ANO4: variants seen among roughly 807,000 people sequenced by gnomAD.
ANO4 encodes the protein anoctamin-4.
A neutral mutation model predicts 141.9 loss-of-function variants in ANO4; 69 were observed. That is an observed-to-expected ratio of 0.49 (90% CI 0.40 to 0.59). The LOEUF is 0.59. ANO4 is among the 20% of genes least tolerant of loss of function. The pLI is 0.00. For synonymous variants in ANO4, 350 were observed against 394.3 expected (o/e 0.89, Z 1.33); for missense variants, 894 against 1,162.2 (o/e 0.77, Z 3.36).
intron 1 of ANO4, among the ~76,000 whole-genome samples, chr12:100,800,679 C>G (rs2034628221): frequency 6.6e-6 from 1 of 152,224 alleles, no homozygotes; most frequent in South Asian, 2.1e-4. Flanking sequence ...TTTGATAAAA[C>G]TTACCTGTTT....
chr12:101,043,564 A>G lies in ANO4; in HGVS notation c.1180A>G (p.Ile394Val). The G allele has an allele frequency of 1.2e-6, 2 of 1,613,754 alleles. No individual in the cohort carries two copies. Among genetic ancestry groups the G allele is most frequent in the Non-Finnish European group, 8.5e-7 (1 of 1,179,742 alleles). Residue 394 changes from isoleucine to valine, a missense_variant, in exon 13 of 28, where the codon ATC becomes GTC. Physicochemically the swap from Ile to Val is conservative, Grantham distance 29 (BLOSUM62 3). Around this residue, in one of 2 missense-constraint regions of ANO4, gnomAD observed 637 missense variants for 909.2 expected, o/e 0.70. Transcript: ENST00000392977. ...TAAAGAAGTCTGCCAAGCTACAGATATCATCATGTGTCCTGTGTGTGATAA... is the reference window on the plus strand; with the variant it reads ...TAAAGAAGTCTGCCAAGCTACAGATGTCATCATGTGTCCTGTGTGTGATAA... Reference protein sequence around the residue: ...VSKEVCQATDIIMCPVCDKYC... With the variant: ...VSKEVCQATDVIMCPVCDKYC...
chr12:101,001,749 G>A (rs1425724173), intron 8 of ANO4, among the ~76,000 whole-genome samples: 4 of 152,146 alleles, frequency 2.6e-5, no homozygotes, highest in Admixed American at 2.6e-4. Flanking sequence ...GAGCAGCTGG[G>A]GGAGGGTCAT....
intron 1 of ANO4, among the ~76,000 whole-genome samples, chr12:100,874,543 A>G (rs1487832132): frequency 6.6e-6 from 1 of 152,132 alleles, no homozygotes; most frequent in East Asian, 1.9e-4. Context: ...TTTTTGAGAC[A>G]GAGTCTCACT....
intron 18 of ANO4, among the ~76,000 whole-genome samples, chr12:101,096,181 A>G (rs1421399704): frequency 6.7e-6 from 1 of 149,276 alleles, no homozygotes; most frequent in Non-Finnish European, 1.5e-5. Flanking sequence ...ATAGATTAAG[A>G]GGAAAAGAAA....
chr12:100,935,792 G>C (rs972035900), intron 3 of ANO4, among the ~76,000 whole-genome samples: 1 of 152,174 alleles, frequency 6.6e-6, no homozygotes, highest in Non-Finnish European at 1.5e-5. Context: ...TTTAAAAATT[G>C]GTTAGTGTTG....
chr12:101,003,894 C>T (rs1207748210), intron 8 of ANO4, among the ~76,000 whole-genome samples: 1 of 152,040 alleles, frequency 6.6e-6, no homozygotes, highest in African/African-American at 2.4e-5. Flanking sequence ...GAAGAGAGAT[C>T]TCTGTAGGGT....
chr12:100,839,810 G>A (rs961183229), intron 1 of ANO4, among the ~76,000 whole-genome samples: 8 of 152,036 alleles, frequency 5.3e-5, no homozygotes, highest in Non-Finnish European at 2.9e-5. Flanking sequence ...GGGCTTCACT[G>A]TCTGCAAAAA....
At chr12:101,047,877 C>G (rs2047694324) in intron 13 of ANO4, 1 of 363,062 alleles carries the variant, frequency 2.8e-6, no homozygotes, top group African/African-American at 2.2e-5. Context: ...AGAGGGCAGC[C>G]CAGAAAATGT....
At chr12:101,064,920 C>T (rs952642753) in intron 14 of ANO4, among the ~76,000 whole-genome samples, 1 of 152,146 alleles carries the variant, frequency 6.6e-6, no homozygotes, top group Non-Finnish European at 1.5e-5. Context: ...ACACCGTTCA[C>T]ACTACCTGCC....
intron 3 of ANO4, among the ~76,000 whole-genome samples, chr12:100,788,747 T>C (rs941043978): frequency 6.6e-6 from 1 of 152,064 alleles, no homozygotes; most frequent in Non-Finnish European, 1.5e-5. Context: ...CCCTGAGGGC[T>C]CAGTGAGGAG....
At chr12:101,094,668 A>G (rs896745966) in intron 18 of ANO4, among the ~76,000 whole-genome samples, 6 of 152,114 alleles carry the variant, frequency 3.9e-5, no homozygotes, top group African/African-American at 1.4e-4. Context: ...ATGGTATATA[A>G]ACTCACAGCA....
At chr12:101,004,155 A>C (rs2045773344) in intron 8 of ANO4, among the ~76,000 whole-genome samples, 1 of 150,878 alleles carries the variant, frequency 6.6e-6, no homozygotes, top group Non-Finnish European at 1.5e-5. Context: ...ACTGTGGGGG[A>C]AGTGAAGAAC....
rs543589158 is a variant in ANO4 at position 100,830,719 on chromosome 12, A to T, written c.-141+35692A>T. ...TTTCATACCAGATACTTCTCCTGCCATCATTGTGATCCAGCTGCTGAGATA... is the reference window on the plus strand; with the variant it reads ...TTTCATACCAGATACTTCTCCTGCCTTCATTGTGATCCAGCTGCTGAGATA... On this transcript the variant is annotated intron_variant, in intron 1 of 27. Coordinates refer to ENST00000392977, the MANE Select transcript of ANO4 (RefSeq NM_001286615.2). 5.3e-5 allele frequency among the ~76,000 whole-genome samples: 8 copies of T among 152,182 alleles called. No homozygotes were observed. The South Asian group carries it at 1.2e-3, about 24-fold the overall frequency.
At chr12:101,042,278 A>G (rs145686776) in intron 11 of ANO4, 56 bp from the exon 12 acceptor site, 2 of 1,597,434 alleles carry the variant, frequency 1.3e-6, no homozygotes, top group Non-Finnish European at 1.7e-6. Flanking sequence ...GAAGTTTCAT[A>G]ATGCTTAACT....
At chr12:101,065,894 A>G (rs2048563534) in intron 14 of ANO4, among the ~76,000 whole-genome samples, 1 of 152,242 alleles carries the variant, frequency 6.6e-6, no homozygotes, top group Admixed American at 6.5e-5. Flanking sequence ...TCAACAATAC[A>G]TGAAAAAGAT....
intron 3 of ANO4, 53 bp downstream of exon 3, chr12:100,922,383 A>T: frequency 7.9e-7 from 1 of 1,272,454 alleles, no homozygotes; most frequent in South Asian, 1.5e-5. Flanking sequence ...CTATTATAAT[A>T]CTTGGGAGGG....
intron 5 of ANO4, among the ~76,000 whole-genome samples, chr12:100,970,311 C>T (rs560571550): frequency 1.3e-5 from 2 of 152,184 alleles, no homozygotes; most frequent in South Asian, 2.1e-4. Context: ...GAATAAAGTG[C>T]GCTGCACGTC....
chr12:100,736,163 G>A (rs947974777), intron 2 of ANO4, among the ~76,000 whole-genome samples: 8 of 152,150 alleles, frequency 5.3e-5, no homozygotes, highest in Non-Finnish European at 1.2e-4. Flanking sequence ...GAGCCACGTT[G>A]CAGAGCTCTG....
chr12:101,032,295 G>A (rs151079817), intron 9 of ANO4, among the ~76,000 whole-genome samples: 19 of 152,258 alleles, frequency 1.2e-4, no homozygotes, highest in African/African-American at 4.3e-4. Flanking sequence ...ACAACCATCC[G>A]ATCTTCAGCA....
Sources: gnomAD v4.1 joint callset for allele counts (sites outside exome capture counted in the v4.1 genomes callset) on GRCh38, gnomAD v4.1.1 for gene constraint, gnomAD v4.1.1 regional missense constraint, MANE v1.5 for transcripts, NCBI Gene and HGNC (gene_info 2026-07-23, HGNC 2026-07-21) for gene names.